OR56A3: variants seen among roughly 807,000 people sequenced by gnomAD.
OR56A3 encodes the protein olfactory receptor family 56 subfamily A member 3.
OR56A3 carries 23 observed loss-of-function variants against 17.5 expected under a neutral mutation model. The ratio of observed to expected loss-of-function variants is 1.32; its 90% CI spans 0.95 to 1.87. OR56A3 has a LOEUF of 1.87. Ranked by LOEUF, OR56A3 falls within the 40% of genes most tolerant of loss-of-function variation. The pLI is 0.00. For missense variants in OR56A3, 366 were observed against 380.1 expected (o/e 0.96, Z 0.31); for synonymous variants, 175 against 150.6 (o/e 1.16, Z -1.19).
the OR56A3 span, chr11:6,002,450 G>C: frequency 1.9e-6 from 3 of 1,614,016 alleles, no homozygotes; most frequent in Non-Finnish European, 2.5e-6. Context: ...GGTTACTGCA[G>C]ATGCAGTTCT....
At chr11:5,961,556 C>T in the OR56A3 span, among the ~76,000 whole-genome samples, 3 of 152,066 alleles carry the variant, frequency 2.0e-5, no homozygotes, top group East Asian at 5.8e-4. Flanking sequence ...GCAGCATACT[C>T]GTTAAGAGTC....
At chr11:6,002,317 T>C in the OR56A3 span, 21 of 1,614,016 alleles carry the variant, frequency 1.3e-5, no homozygotes, top group Non-Finnish European at 1.5e-5. Context: ...AGCACAACTT[T>C]CAATATAAAA....
At chr11:5,943,960 G>C (rs1223373970) in intron 1 of OR56A3, among the ~76,000 whole-genome samples, 1 of 152,196 alleles carries the variant, frequency 6.6e-6, no homozygotes, top group Non-Finnish European at 1.5e-5. Context: ...ATTATGCCAA[G>C]TTCTAGGCTT....
the OR56A3 span, chr11:6,003,202 T>C: frequency 8.8e-7 from 1 of 1,134,244 alleles, no homozygotes; most frequent in Non-Finnish European, 1.3e-6. Flanking sequence ...ATGTTTTATA[T>C]TCATTATCTC....
At chr11:5,966,358 A>G in the OR56A3 span, among the ~76,000 whole-genome samples, 2 of 152,282 alleles carry the variant, frequency 1.3e-5, no homozygotes, top group Admixed American at 6.5e-5. Flanking sequence ...TGGGCGATAG[A>G]GTAAGACCCT....
At chr11:5,964,219 G>A in the OR56A3 span, among the ~76,000 whole-genome samples, 500 of 152,222 alleles carry the variant, frequency 3.3e-3, 2 homozygotes, top group African/African-American at 0.011. Context: ...ACATCTCCAT[G>A]TCTTCAGGGG....
chr11:5,968,365 C>G, the OR56A3 span: 1 of 1,613,620 alleles, frequency 6.2e-7, no homozygotes. Flanking sequence ...GTGGCATTGG[C>G]CCCCATGGCC....
the OR56A3 span, among the ~76,000 whole-genome samples, chr11:6,010,046 T>A: frequency 2.1e-5 from 3 of 142,974 alleles, no homozygotes; most frequent in Non-Finnish European, 3.0e-5. Context: ...TTTTTAGATA[T>A]TCTAGAAGTC....
the OR56A3 span, chr11:6,003,192 A>G: frequency 5.6e-6 from 7 of 1,240,452 alleles, no homozygotes; most frequent in African/African-American, 9.1e-5. Flanking sequence ...GCCAGCCACA[A>G]TGTTTTATAT....
the OR56A3 span, chr11:5,986,135 T>A: frequency 6.2e-7 from 1 of 1,613,898 alleles, no homozygotes; most frequent in Non-Finnish European, 8.5e-7. Context: ...AAGACCAGGA[T>A]GACACAAATA....
At chr11:5,953,021 A>G (rs528401147), downstream of OR56A3, among the ~76,000 whole-genome samples, 2 of 152,192 alleles carry the variant, frequency 1.3e-5, no homozygotes, top group Non-Finnish European at 2.9e-5. Flanking sequence ...TCTAAGGTGT[A>G]TATGTACCAC....
chr11:5,962,019 C>A, the OR56A3 span, among the ~76,000 whole-genome samples: 1 of 152,284 alleles, frequency 6.6e-6, no homozygotes, highest in Admixed American at 6.5e-5. Flanking sequence ...AATATGCTAG[C>A]TGTGAATTTG....
chr11:6,014,997 A>AAAAAAAAAAAAC, the OR56A3 span, among the ~76,000 whole-genome samples: 1 of 147,440 alleles, frequency 6.8e-6, no homozygotes, highest in South Asian at 2.2e-4. Flanking sequence ...GGCAAAAAAA[A>AAAAAAAAAAAAC]AAAAAAAAAA....
At chr11:5,998,615 C>T in the OR56A3 span, among the ~76,000 whole-genome samples, 1 of 152,230 alleles carries the variant, frequency 6.6e-6, no homozygotes, top group Non-Finnish European at 1.5e-5. Context: ...AGAGAAGTTG[C>T]AGAAGTTATT....
In OR56A3 at chr11:5,948,268, C is replaced by T. The variant is rs1476699876; in HGVS notation, c.922C>T (p.Gln308Ter). 6.2e-7 allele frequency: 1 copy of T among 1,613,724 alleles called. No homozygotes were observed. The highest frequency in any genetic ancestry group is 1.1e-5 in the South Asian group (1 of 91,070). ...AACCCAAGAAATTAAGCAGGGAATG[C>T]AGAGGTTGTTGAAGAAAGGGTGCTA... ...VRTQEIKQGM[Q>*]RLLKKGC The change falls in exon 3 of 3, where the codon CAG (glutamine) becomes TAG (stop). Residue 308 changes from glutamine (Q) to a stop codon, truncating the protein, a stop_gained. Coordinates refer to ENST00000641160, the MANE Select transcript of OR56A3 (RefSeq NM_001003443.3). LOFTEE classifies it high-confidence loss of function.
the OR56A3 span, among the ~76,000 whole-genome samples, chr11:5,976,720 TC>T: frequency 7.2e-5 from 11 of 152,218 alleles, no homozygotes; most frequent in Non-Finnish European, 2.9e-5. Flanking sequence ...GTCTTTTTTT[TC>T]ACCTTATATT....
At chr11:6,019,247 T>C in the OR56A3 span, 1 of 150,100 alleles carries the variant, frequency 6.7e-6, no homozygotes, top group African/African-American at 2.4e-5. Context: ...ATATTCTTGA[T>C]GAACATAGAT....
At chr11:6,016,232 T>C in the OR56A3 span, among the ~76,000 whole-genome samples, 1 of 152,218 alleles carries the variant, frequency 6.6e-6, no homozygotes, top group Non-Finnish European at 1.5e-5. Flanking sequence ...GCTTCTGTTT[T>C]GCCTTCCTCC....
downstream of OR56A3, among the ~76,000 whole-genome samples, chr11:5,952,442 G>C (rs1299603088): frequency 6.6e-6 from 1 of 152,150 alleles, no homozygotes; most frequent in African/African-American, 2.4e-5. Flanking sequence ...AATTATTCTA[G>C]TAGAAATTAT....
Sources: allele counts gnomAD v4.1 joint callset (sites outside exome capture counted in the v4.1 genomes callset), GRCh38; gene constraint gnomAD v4.1.1; transcripts MANE v1.5; gene names NCBI Gene and HGNC (gene_info 2026-07-23, HGNC 2026-07-21).